GABRR2: variants seen among roughly 807,000 people sequenced by gnomAD.
GABRR2 encodes gamma-aminobutyric acid type A receptor subunit rho2, also known as gamma-aminobutyric acid receptor subunit rho-2.
GABRR2 carries 36 observed loss-of-function variants against 47.0 expected under a neutral mutation model. The ratio of observed to expected loss-of-function variants is 0.77; its 90% CI spans 0.59 to 1.01. GABRR2 has a LOEUF of 1.01. Ranked by LOEUF, GABRR2 falls within the 50% of genes least tolerant of loss-of-function variation. GABRR2 has a pLI of 0.00. For missense variants in GABRR2, 587 were observed against 594.6 expected (o/e 0.99, Z 0.13); for synonymous variants, 204 against 227.5 (o/e 0.90, Z 0.93).
Position 89,297,848 on chromosome 6 carries a change from G to A in GABRR2, c.220+1911C>T, listed in dbSNP as rs550974776. On this transcript the variant is annotated intron_variant, in intron 2 of 8. Coordinates refer to ENST00000402938, the MANE Select transcript of GABRR2 (RefSeq NM_002043.5). Reference sequence around the variant, plus strand: ...AGCCTAGGTGACAAAGTGAAACTCCGTCTCGAAAAAAAAAGTGGTAGTTGT... The same window carrying A: ...AGCCTAGGTGACAAAGTGAAACTCCATCTCGAAAAAAAAAGTGGTAGTTGT... 3.5e-4 allele frequency among the ~76,000 whole-genome samples: 53 copies of A among 151,896 alleles called. 1 individual carries two copies. The South Asian group carries it at 6.0e-3, about 17-fold the overall frequency.
chr6:89,303,884 T>C (rs960007263), intron 1 of GABRR2, among the ~76,000 whole-genome samples: 3 of 152,196 alleles, frequency 2.0e-5, no homozygotes, highest in African/African-American at 7.2e-5. Flanking sequence ...CATGGTGTTA[T>C]GAGAACCGGC....
chr6:89,299,937 C>T, intron 1 of GABRR2, 72 bp from the exon 2 acceptor site: 1 of 1,002,674 alleles, frequency 1.0e-6, no homozygotes, highest in Non-Finnish European at 1.6e-6. Flanking sequence ...TGGGCTATTA[C>T]TCCCTGCAAG....
At chr6:89,287,247 T>C (rs1774348880) in intron 2 of GABRR2, among the ~76,000 whole-genome samples, 1 of 152,178 alleles carries the variant, frequency 6.6e-6, no homozygotes, top group South Asian at 2.1e-4. Context: ...GGGTCTCTGC[T>C]CACAATCTGG....
chr6:89,299,242 G>A (rs7747043), intron 2 of GABRR2, among the ~76,000 whole-genome samples: 41,136 of 151,932 alleles, frequency 0.27, 5,813 homozygotes, highest in East Asian at 0.37. Flanking sequence ...TTGCTGCACT[G>A]GAAAACAGGT....
intron 1 of GABRR2, among the ~76,000 whole-genome samples, chr6:89,309,549 T>C (rs1477263709): frequency 6.6e-6 from 1 of 152,232 alleles, no homozygotes; most frequent in African/African-American, 2.4e-5. Flanking sequence ...GTGTTGGTTA[T>C]ATTATTTAAA....
rs551689489 is a variant in GABRR2 at position 89,298,374 on chromosome 6, G to A, written c.220+1385C>T. 3.3e-5 allele frequency among the ~76,000 whole-genome samples: 5 copies of A among 152,304 alleles called. No homozygotes were observed. In the East Asian group the frequency reaches 9.6e-4, roughly 29 times the overall value. On this transcript the variant is annotated intron_variant, in intron 2 of 8. Coordinates refer to ENST00000402938, the MANE Select transcript of GABRR2 (RefSeq NM_002043.5). ...GGACAGGAACAAATGTCTGTCAGGG[G>A]TTTTACATACATTATCTTGTTTAAT...
intron 1 of GABRR2, among the ~76,000 whole-genome samples, chr6:89,313,325 C>G (rs1767709235): frequency 6.6e-6 from 1 of 152,212 alleles, no homozygotes. Context: ...TCAAGATTCT[C>G]ACAGTGCCTA....
At chr6:89,302,857 C>T in intron 1 of GABRR2, 1 of 1,313,162 alleles carries the variant, frequency 7.6e-7, no homozygotes, top group Admixed American at 1.8e-5. Flanking sequence ...AAGATGTCTT[C>T]CACCCTCATC....
intron 7 of GABRR2, among the ~76,000 whole-genome samples, chr6:89,265,363 A>G (rs1201351312): frequency 6.6e-6 from 1 of 152,152 alleles, no homozygotes; most frequent in Non-Finnish European, 1.5e-5. Context: ...CAGTTGTCGA[A>G]GTCTGTACCC....
intron 2 of GABRR2, among the ~76,000 whole-genome samples, chr6:89,275,388 C>G (rs1472731695): frequency 3.9e-5 from 6 of 152,264 alleles, no homozygotes; most frequent in Admixed American, 2.6e-4. Context: ...ATTCTCATGC[C>G]TCAGCCTCCC....
rs1028087980 is a variant in GABRR2, at chr6:89,256,839, T to C, written c.*831A>G. ...CTGGGCAAAATTAGTGCTATCTGTG[T>C]AACTTCACTGGAGGAGGATAGTTGA... On this transcript the variant is annotated 3_prime_UTR_variant, in exon 9 of 9. Coordinates refer to ENST00000402938, the MANE Select transcript of GABRR2 (RefSeq NM_002043.5). Among the ~76,000 whole-genome samples, 1 of 152,232 alleles carries C rather than the reference T, an allele frequency of 6.6e-6. No individual in the cohort carries two copies. The highest frequency in any genetic ancestry group is 2.4e-5 in the African/African-American group (1 of 41,460).
intron 2 of GABRR2, among the ~76,000 whole-genome samples, chr6:89,274,442 C>G (rs914762089): frequency 3.9e-5 from 6 of 152,158 alleles, no homozygotes; most frequent in Non-Finnish European, 8.8e-5. Flanking sequence ...ACTGGTCTTT[C>G]TTCTTCTTCC....
intron 8 of GABRR2, among the ~76,000 whole-genome samples, chr6:89,260,042 G>A (rs569644238): frequency 3.9e-4 from 60 of 151,910 alleles, no homozygotes; most frequent in Non-Finnish European, 6.9e-4. Flanking sequence ...CGAGTAGCTG[G>A]GATTACAGGC....
intron 3 of GABRR2, among the ~76,000 whole-genome samples, chr6:89,270,055 G>A (rs763643905): frequency 6.6e-6 from 1 of 152,194 alleles, no homozygotes; most frequent in Non-Finnish European, 1.5e-5. Flanking sequence ...GAAAGAATGA[G>A]TGAGCACTGG....
chr6:89,301,763 G>A (rs776229154), intron 1 of GABRR2: 21 of 711,284 alleles, frequency 3.0e-5, no homozygotes, highest in South Asian at 1.3e-4. Flanking sequence ...GTCCGCAGCC[G>A]CCTGCCAGAC....
At chr6:89,272,598 ATGCCATTACAC>A (rs1774078257) in intron 2 of GABRR2, among the ~76,000 whole-genome samples, 1 of 152,228 alleles carries the variant, frequency 6.6e-6, no homozygotes, top group African/African-American at 2.4e-5. Flanking sequence ...GTGTTAATGA[ATGCCATTACAC>A]TGCAAGTCAG....
intron 1 of GABRR2, among the ~76,000 whole-genome samples, chr6:89,304,605 A>G (rs946724354): frequency 6.6e-4 from 101 of 152,062 alleles, no homozygotes; most frequent in African/African-American, 2.4e-3. Context: ...AAGAAAAAAA[A>G]AAAAAGAAAA....
intron 4 of GABRR2, 98 bp from the exon 5 acceptor site, chr6:89,268,194 C>T: frequency 1.3e-6 from 1 of 792,970 alleles, no homozygotes; most frequent in Non-Finnish European, 2.2e-6. Flanking sequence ...GAGTAGCTGC[C>T]TCCTCACATC....
intron 2 of GABRR2, among the ~76,000 whole-genome samples, chr6:89,292,726 C>T (rs552839478): frequency 7.4e-6 from 1 of 134,454 alleles, no homozygotes; most frequent in Non-Finnish European, 1.6e-5. Flanking sequence ...AGATATATAT[C>T]GTATATATCA....
Sources: gnomAD v4.1 joint callset for allele counts (sites outside exome capture counted in the v4.1 genomes callset) on GRCh38, gnomAD v4.1.1 for gene constraint, MANE v1.5 for transcripts, NCBI Gene and HGNC (gene_info 2026-07-23, HGNC 2026-07-21) for gene names.